The following PCSK5 variants were observed in gnomAD, a reference collection of about 807,000 sequenced individuals.
PCSK5 encodes prohormone convertase 5.
PCSK5 carries 129 observed loss-of-function variants against 233.2 expected under a neutral mutation model. The ratio of observed to expected loss-of-function variants is 0.55; its 90% confidence interval spans 0.48 to 0.64. PCSK5 has a LOEUF of 0.64. PCSK5 is among the 30% of genes least tolerant of loss of function. PCSK5 has a pLI of 0.00. For missense variants in PCSK5, 2,076 were observed against 2,430.1 expected (o/e 0.85, Z 3.06); for synonymous variants, 825 against 879.2 (o/e 0.94, Z 1.09).
chr9:75,967,145 G>T lies in PCSK5; in HGVS notation c.298-18987G>T, dbSNP rs141002755. On this transcript the variant is annotated intron_variant, in intron 2 of 37. Coordinates refer to ENST00000674117, the MANE Select transcript of PCSK5 (RefSeq NM_001372043.1). ...TTCTATTTTACTTTAGGTTCAGGGG[G>T]TGAATGTGCAGTTTTGTTACATGGG... Among the ~76,000 whole-genome samples the T allele has an allele frequency of 2.6e-5, 4 of 152,082 alleles. No individual in the cohort carries two copies. The East Asian group carries it at 5.8e-4, about 22-fold the overall frequency.
chr9:76,238,190 A>C (rs922822268), intron 22 of PCSK5, among the ~76,000 whole-genome samples: 2 of 152,238 alleles, frequency 1.3e-5, no homozygotes, highest in African/African-American at 2.4e-5. Flanking sequence ...ATGCATCAGT[A>C]GTCATCTTAT....
intron 2 of PCSK5, among the ~76,000 whole-genome samples, chr9:75,944,208 C>A (rs892958331): frequency 4.0e-5 from 6 of 149,690 alleles, no homozygotes; most frequent in African/African-American, 7.3e-5. Context: ...TACACATATA[C>A]ATATATATAT....
chr9:76,230,473 C>T (rs1188678149), intron 21 of PCSK5, among the ~76,000 whole-genome samples: 3 of 152,180 alleles, frequency 2.0e-5, no homozygotes, highest in Non-Finnish European at 4.4e-5. Flanking sequence ...GAGATTACTT[C>T]TCCCAAGACA....
intron 5 of PCSK5, among the ~76,000 whole-genome samples, chr9:76,066,709 A>G (rs1830300625): frequency 6.6e-6 from 1 of 152,228 alleles, no homozygotes; most frequent in Non-Finnish European, 1.5e-5. Flanking sequence ...TACTAAGTGA[A>G]AAAAGCAGTA....
rs1015729616 is a variant in PCSK5, at chr9:76,346,309, T to C, written c.4967-4519T>C. Among the ~76,000 whole-genome samples, 13 of 152,344 alleles carry C rather than the reference T, an allele frequency of 8.5e-5. No homozygotes were observed. The East Asian group carries it at 2.3e-3, about 27-fold the overall frequency. On this transcript the variant is annotated intron_variant, in intron 35 of 37. Transcript: ENST00000674117. ...CTGTGGCCTTATAGTATAGAAATAC[T>C]ATGAATGTCTTTAGTTGGGTTTGAG... is the stretch of plus-strand genomic sequence containing the variant.
intron 5 of PCSK5, among the ~76,000 whole-genome samples, chr9:76,063,319 C>CT (rs1157596601): frequency 0.076 from 4,539 of 59,850 alleles, 178 homozygotes; most frequent in Non-Finnish European, 0.086. Context: ...TTTCTTTTTT[C>CT]TTTTTTTTTT....
At chr9:76,270,360 T>C (rs1827476991) in intron 24 of PCSK5, among the ~76,000 whole-genome samples, 1 of 152,190 alleles carries the variant, frequency 6.6e-6, no homozygotes, top group Non-Finnish European at 1.5e-5. Context: ...TTGTGTTTGC[T>C]GAAACCTTCC....
chr9:76,295,716 G>A (rs1377150373), intron 26 of PCSK5, among the ~76,000 whole-genome samples: 1 of 152,202 alleles, frequency 6.6e-6, no homozygotes, highest in Non-Finnish European at 1.5e-5. Context: ...TGGCATTGAA[G>A]TCACCTGGCA....
intron 24 of PCSK5, among the ~76,000 whole-genome samples, chr9:76,250,031 G>T (rs779576067): frequency 6.6e-6 from 1 of 152,166 alleles, no homozygotes; most frequent in Non-Finnish European, 1.5e-5. Context: ...TGAAGGCCAG[G>T]CACGGTGGCT....
intron 24 of PCSK5, among the ~76,000 whole-genome samples, chr9:76,243,436 A>G (rs1214107890): frequency 6.6e-6 from 1 of 152,212 alleles, no homozygotes; most frequent in Non-Finnish European, 1.5e-5. Context: ...AAGGGTGACA[A>G]GACCATTCTA....
intron 2 of PCSK5, among the ~76,000 whole-genome samples, chr9:75,982,199 T>A (rs1587455661): frequency 6.6e-6 from 1 of 152,336 alleles, no homozygotes; most frequent in East Asian, 1.9e-4. Flanking sequence ...TACTCCATCA[T>A]ACAGATATGC....
chr9:76,348,666 C>G (rs1255900792), intron 35 of PCSK5, among the ~76,000 whole-genome samples: 4 of 151,874 alleles, frequency 2.6e-5, no homozygotes, highest in Non-Finnish European at 4.4e-5. Context: ...GAAATTTACT[C>G]TCTTACCAAT....
At chr9:76,118,494 T>C (rs1038657537) in intron 9 of PCSK5, among the ~76,000 whole-genome samples, 1 of 152,038 alleles carries the variant, frequency 6.6e-6, no homozygotes, top group East Asian at 1.9e-4. Context: ...TGAGAGCCTT[T>C]TTCATCACAG....
intron 24 of PCSK5, among the ~76,000 whole-genome samples, chr9:76,262,866 G>T (rs1268008748): frequency 6.6e-6 from 1 of 151,290 alleles, no homozygotes; most frequent in Non-Finnish European, 1.5e-5. Flanking sequence ...GGAAATTTTC[G>T]CAACCTGCTC....
chr9:76,248,094 T>A (rs1948511), intron 24 of PCSK5, among the ~76,000 whole-genome samples: 57,856 of 151,622 alleles, frequency 0.38, 11,211 homozygotes, highest in Non-Finnish European at 0.41. Flanking sequence ...TTAATCTTTT[T>A]TAAAAAAATT....
At chr9:76,067,824 T>C in intron 5 of PCSK5, 131 bp from the exon 6 acceptor site, 2 of 691,228 alleles carry the variant, frequency 2.9e-6, no homozygotes, top group Non-Finnish European at 5.3e-6. Context: ...GACAAAGTGC[T>C]ACTTGGGAAG....
At chr9:76,286,120 AGG>A (rs2131396625) in intron 24 of PCSK5, among the ~76,000 whole-genome samples, 1 of 152,336 alleles carries the variant, frequency 6.6e-6, no homozygotes, top group Non-Finnish European at 1.5e-5. Context: ...TGTGTTCAAA[AGG>A]TTTTTTTCCT....
At chr9:76,346,490 T>C (rs1231188175) in intron 35 of PCSK5, among the ~76,000 whole-genome samples, 1 of 152,208 alleles carries the variant, frequency 6.6e-6, no homozygotes, top group African/African-American at 2.4e-5. Flanking sequence ...CTCCTGTATT[T>C]GACATCAACC....
At chr9:76,206,910 C>T (rs1328433402) in intron 20 of PCSK5, among the ~76,000 whole-genome samples, 2 of 152,162 alleles carry the variant, frequency 1.3e-5, no homozygotes, top group Non-Finnish European at 2.9e-5. Context: ...CAGTAGTCAG[C>T]AATCAGGGTT....
Sources: allele counts gnomAD v4.1 joint callset (sites outside exome capture counted in the v4.1 genomes callset), GRCh38; gene constraint gnomAD v4.1.1; transcripts MANE v1.5; gene names NCBI Gene and HGNC (gene_info 2026-07-23, HGNC 2026-07-21).